The following DAB1 variants were observed in gnomAD, a reference collection of about 807,000 sequenced individuals.
DAB1 encodes DAB adaptor protein 1.
A neutral mutation model predicts 64.6 loss-of-function variants in DAB1; 15 were observed. The observed-to-expected ratio is 0.23, with a 90% CI of 0.16 to 0.36. The LOEUF (loss-of-function observed/expected upper bound fraction) is 0.36, where lower values mean the gene tolerates loss of function less well. DAB1 is among the 10% of genes least tolerant of loss of function. The pLI, the probability that DAB1 is intolerant of heterozygous loss-of-function variation, is 1.00. For missense variants in DAB1, 596 were observed against 706.7 expected, an observed-to-expected ratio of 0.84 and a Z score of 1.78; for synonymous variants, 235 against 251.9, an observed-to-expected ratio of 0.93 and a Z score of 0.64.
rs1027356173 is a variant in DAB1, at chr1:57,134,544, G to A, written c.306+1999C>T. On this transcript the variant is annotated intron_variant, in intron 4 of 14. Transcript: ENST00000371236. ...CGGAGGTTGTAGTGAAGGAGGGAGA[G>A]GAAGAGAAAAAATAACTATTGGGTA... is the stretch of plus-strand genomic sequence containing the variant. 9.3e-5 allele frequency among the ~76,000 whole-genome samples: 11 copies of A among 117,828 alleles called. 1 individual carries two copies. The highest frequency in any genetic ancestry group is 9.0e-4 in the Admixed American group (10 of 11,172). 77.3% of individuals were successfully genotyped at this position (117,828 alleles called of 152,430 possible).
intron 3 of DAB1, among the ~76,000 whole-genome samples, chr1:58,455,554 T>C (rs746097649): frequency 3.9e-5 from 6 of 152,258 alleles, no homozygotes; most frequent in Non-Finnish European, 8.8e-5. Context: ...TACTGAATTA[T>C]GCTCAATGAA....
rs1024187818 is a variant in DAB1 at position 57,891,675 on chromosome 1, A to G, written n.388-7513T>C. Among the ~76,000 whole-genome samples, 3 of 152,348 alleles carry G rather than the reference A, an allele frequency of 2.0e-5. No homozygotes were observed. In the East Asian group the frequency reaches 5.8e-4, roughly 29 times the overall value. The stretch of plus-strand genomic sequence containing the variant: ...CCATGGAATACTATGAAGCCATAAA[A>G]AGGATGAGTTCATGTCCTTTGCAGG... On this transcript the variant is annotated intron_variant and non_coding_transcript_variant, in intron 5 of 20. Coordinates refer to the DAB1 transcript ENST00000485760.
chr1:58,268,537 C>A (rs144345346), intron 4 of DAB1, among the ~76,000 whole-genome samples: 2,065 of 152,126 alleles, frequency 0.014, 24 homozygotes, highest in Admixed American at 0.021. Context: ...AAATACTAAT[C>A]CAAGAGGACA....
chr1:57,102,057 T>C (rs538830587), intron 4 of DAB1, among the ~76,000 whole-genome samples: 7 of 152,292 alleles, frequency 4.6e-5, no homozygotes, highest in African/African-American at 1.7e-4. Context: ...TTGCTCTCAA[T>C]GAGCTTGCAA....
intron 5 of DAB1, among the ~76,000 whole-genome samples, chr1:58,011,309 T>C (rs962139468): frequency 6.6e-6 from 1 of 152,244 alleles, no homozygotes; most frequent in African/African-American, 2.4e-5. Context: ...TTTCTGTACT[T>C]TTATAAATGA....
intron 1 of DAB1, among the ~76,000 whole-genome samples, chr1:57,833,857 G>A (rs956835318): frequency 3.9e-5 from 6 of 152,176 alleles, no homozygotes; most frequent in African/African-American, 1.4e-4. Context: ...TTTAGCTATG[G>A]TTTAACACAG....
At chr1:57,907,713 C>T (rs1644574065) in intron 5 of DAB1, among the ~76,000 whole-genome samples, 1 of 152,036 alleles carries the variant, frequency 6.6e-6, no homozygotes, top group African/African-American at 2.4e-5. Context: ...TCTGAGCCCT[C>T]TATCCTCCCC....
At chr1:57,744,629 G>A (rs1029401410) in intron 6 of DAB1, among the ~76,000 whole-genome samples, 6 of 152,154 alleles carry the variant, frequency 3.9e-5, no homozygotes, top group African/African-American at 9.6e-5. Context: ...TCTGGATTCC[G>A]ATGTCTTTTG....
intron 6 of DAB1, among the ~76,000 whole-genome samples, chr1:57,806,464 T>C (rs1651367424): frequency 6.6e-6 from 1 of 152,120 alleles, no homozygotes; most frequent in Non-Finnish European, 1.5e-5. Flanking sequence ...ATCGGGGTGA[T>C]TTGTCTTCAA....
intron 1 of DAB1, among the ~76,000 whole-genome samples, chr1:57,403,799 C>A (rs934711598): frequency 3.9e-5 from 6 of 152,156 alleles, no homozygotes; most frequent in African/African-American, 1.2e-4. Flanking sequence ...CCATTACCTA[C>A]ACGGGGCCAT....
intron 4 of DAB1, among the ~76,000 whole-genome samples, chr1:57,112,460 A>G (rs1266640625): frequency 1.3e-5 from 2 of 152,172 alleles, no homozygotes; most frequent in African/African-American, 4.8e-5. Context: ...GCTGTCTTCT[A>G]CGTGAGAAAT....
chr1:58,008,685 T>C (rs981575733), intron 5 of DAB1, among the ~76,000 whole-genome samples: 2 of 152,112 alleles, frequency 1.3e-5, no homozygotes, highest in East Asian at 3.8e-4. Context: ...TCATGAAAAA[T>C]TGTAAGAAAA....
At chr1:57,452,840 T>C (rs1686438011) in intron 7 of DAB1, among the ~76,000 whole-genome samples, 1 of 148,100 alleles carries the variant, frequency 6.8e-6, no homozygotes, top group Non-Finnish European at 1.5e-5. Flanking sequence ...ACTCAGTAGA[T>C]GTGGGAAGAA....
At chr1:57,779,897 G>C (rs1442174615) in intron 6 of DAB1, among the ~76,000 whole-genome samples, 1 of 152,044 alleles carries the variant, frequency 6.6e-6, no homozygotes, top group Non-Finnish European at 1.5e-5. Flanking sequence ...CCATCAAGAA[G>C]AGAGGCCTGA....
intron 4 of DAB1, among the ~76,000 whole-genome samples, chr1:58,238,933 A>G (rs954233365): frequency 6.6e-6 from 1 of 152,184 alleles, no homozygotes; most frequent in Admixed American, 6.5e-5. Context: ...AAAAGAAGGT[A>G]TATACCATAT....
intron 3 of DAB1, among the ~76,000 whole-genome samples, chr1:58,398,788 A>G (rs849480): frequency 0.1 from 15,419 of 152,170 alleles, 1,809 homozygotes; most frequent in African/African-American, 0.29. Flanking sequence ...TCCTCAGTGC[A>G]GTTCTTTACT....
At chr1:58,429,801 A>T (rs61780375) in intron 3 of DAB1, among the ~76,000 whole-genome samples, 31,356 of 152,176 alleles carry the variant, frequency 0.21, 3,662 homozygotes, top group Middle Eastern at 0.28. Flanking sequence ...AGTAATGATG[A>T]CTGTCTTGGT....
intron 5 of DAB1, among the ~76,000 whole-genome samples, chr1:58,124,401 C>T (rs12048970): frequency 0.23 from 34,417 of 151,926 alleles, 4,304 homozygotes; most frequent in East Asian, 0.43. Context: ...TCATTTTCAA[C>T]ATTGGCGGCT....
intron 4 of DAB1, among the ~76,000 whole-genome samples, chr1:57,114,698 C>CTG (rs1655956326): frequency 6.6e-6 from 1 of 152,198 alleles, no homozygotes; most frequent in South Asian, 2.1e-4. Context: ...ATATTTTACT[C>CTG]TGTTTGCCTT....
Sources: allele counts gnomAD v4.1 joint callset (sites outside exome capture counted in the v4.1 genomes callset), GRCh38; gene constraint gnomAD v4.1.1; transcripts MANE v1.5; gene names NCBI Gene and HGNC (gene_info 2026-07-23, HGNC 2026-07-21).